KRT76: variants seen among roughly 807,000 people sequenced by gnomAD.
KRT76 encodes keratin, type II cytoskeletal 2 oral.
KRT76 carries 47 observed loss-of-function variants against 44.9 expected under a neutral mutation model. The ratio of observed to expected loss-of-function variants is 1.05; its 90% CI spans 0.83 to 1.33. The LOEUF (loss-of-function observed/expected upper bound fraction) is 1.33. Ranked by LOEUF, KRT76 falls within the 40% of genes most tolerant of loss-of-function variation. The pLI is 0.00. For synonymous variants in KRT76, 331 were observed against 294.1 expected, an observed-to-expected ratio of 1.13 and a Z score of -1.28; for missense variants, 860 against 775.8, an observed-to-expected ratio of 1.11 and a Z score of -1.29.
At chr12:52,772,699 G>T in intron 4 of KRT76, 84 bp downstream of exon 4, 2 of 957,050 alleles carry the variant, frequency 2.1e-6, no homozygotes, top group Non-Finnish European at 3.4e-6. Context: ...TTTTGTGAGT[G>T]TTGTGCTGTT....
chr12:52,770,128 G>C (rs1200573429), intron 7 of KRT76, among the ~76,000 whole-genome samples: 1 of 152,044 alleles, frequency 6.6e-6, no homozygotes, highest in Non-Finnish European at 1.5e-5. Flanking sequence ...AATGGAGCAG[G>C]CACATCCACA....
At chr12:52,770,288 T>C (rs1376772628) in intron 7 of KRT76, among the ~76,000 whole-genome samples, 2 of 152,164 alleles carry the variant, frequency 1.3e-5, no homozygotes, top group Non-Finnish European at 2.9e-5. Context: ...GCTTCCTCCA[T>C]CAGATTGGGA....
intron 1 of KRT76, 48 bp from the exon 2 acceptor site, chr12:52,775,650 G>T: frequency 6.8e-7 from 1 of 1,475,594 alleles, no homozygotes; most frequent in South Asian, 1.2e-5. Flanking sequence ...AGTTGGGCAT[G>T]TGGGGCTGCC....
At chr12:52,769,229 A>C (rs1457939378) in intron 8 of KRT76, 119 bp from the exon 9 acceptor site, 2 of 612,798 alleles carry the variant, frequency 3.3e-6, no homozygotes, top group African/African-American at 3.7e-5. Context: ...AACTTATCTA[A>C]TGCCTCAGTT....
chr12:52,772,041 G>GCA (rs1939191236), intron 5 of KRT76, 45 bp from the exon 6 acceptor site: 1 of 1,609,324 alleles, frequency 6.2e-7, no homozygotes, highest in African/African-American at 1.3e-5. Flanking sequence ...CAAAGTGTTG[G>GCA]CACATTCTCA....
At chr12:52,772,984 C>T in intron 3 of KRT76, 106 bp from the exon 4 acceptor site, 1 of 724,018 alleles carries the variant, frequency 1.4e-6, no homozygotes, top group South Asian at 1.6e-5. Flanking sequence ...CCCAGCTCTC[C>T]TCCTAATTGT....
intron 1 of KRT76, among the ~76,000 whole-genome samples, 190 bp downstream of exon 1, chr12:52,776,502 C>G (rs568635737): frequency 3.7e-4 from 57 of 152,336 alleles, no homozygotes; most frequent in Admixed American, 1.4e-3. Flanking sequence ...TTCTTCCCCC[C>G]ATTTCACAGC....
chr12:52,768,985 A>AGCCGCT lies in KRT76; in HGVS notation c.1644_1645insAGCGGC (p.Ser547_Gly548dup). ...CTGCCGCTGCCGCCACTGACTCCAT[A>AGCCGCT]GCCACTGCTGCTGCTGCTGCTGCTG... On this transcript the variant is annotated inframe_insertion, in exon 9 of 9. Coordinates refer to ENST00000332411, the MANE Select transcript of KRT76 (RefSeq NM_015848.4). The AGCCGCT allele has an allele frequency of 9.2e-7, 1 of 1,082,476 alleles. No individual in the cohort carries two copies. Among genetic ancestry groups the AGCCGCT allele is most frequent in the Non-Finnish European group, 1.4e-6 (1 of 717,720 alleles). 67.1% of individuals were successfully genotyped at this position (1,082,476 alleles called of 1,614,324 possible).
chr12:52,775,283 G>T, intron 2 of KRT76, 105 bp downstream of exon 2: 2 of 958,748 alleles, frequency 2.1e-6, no homozygotes, highest in Non-Finnish European at 3.3e-6. Context: ...ATCCATCCCA[G>T]AGTATTGACT....
At position 52,777,268 on chromosome 12, in the gene KRT76, T is replaced by C. The variant is rs910463040; in HGVS notation, c.24A>G (p.Lys8=). MNRQVCK[K]SFSGRSQGFS... is the part of the protein sequence containing the mutation. ...AACCCTGGCTCCTGCCACTGAAGGA[T>C]TTCTTGCAAACTTGTCTGTTCATAG... is the stretch of plus-strand genomic sequence containing the variant. Residue 8 remains lysine (K), a synonymous_variant, in exon 1 of 9, where the codon AAA becomes AAG. Transcript: ENST00000332411. 1 of 1,614,204 alleles carries C rather than the reference T, an allele frequency of 6.2e-7. No individual in the cohort carries two copies. The highest frequency in any genetic ancestry group is 8.5e-7 in the Non-Finnish European group (1 of 1,180,040).
intron 6 of KRT76, 75 bp downstream of exon 6, chr12:52,771,796 G>A (rs958556996): frequency 4.4e-5 from 67 of 1,525,912 alleles, no homozygotes; most frequent in Non-Finnish European, 5.7e-5. Context: ...GCATGTAGCA[G>A]AGGAGCAGAG....
intron 7 of KRT76, among the ~76,000 whole-genome samples, chr12:52,770,131 C>T (rs571335867): frequency 2.0e-5 from 3 of 152,028 alleles, no homozygotes; most frequent in African/African-American, 4.8e-5. Flanking sequence ...GGAGCAGGCA[C>T]ATCCACATAT....
rs748397869 is a variant in KRT76 at position 52,768,664 on chromosome 12, T to C, written c.*49A>G. Reference sequence around the variant, plus strand: ...GCCAAGCAGAGAGTGGGAAACACTATTGCAGGCTGAGTGGGAAGCAGGTGG... The same window carrying C: ...GCCAAGCAGAGAGTGGGAAACACTACTGCAGGCTGAGTGGGAAGCAGGTGG... On this transcript the variant is annotated 3_prime_UTR_variant, in exon 9 of 9. Transcript: ENST00000332411. 73 of 1,549,530 alleles carry C rather than the reference T, an allele frequency of 4.7e-5. No individual in the cohort carries two copies. Among genetic ancestry groups the C allele is most frequent in the Non-Finnish European group, 6.1e-5 (70 of 1,140,060 alleles).
intron 2 of KRT76, among the ~76,000 whole-genome samples, chr12:52,774,842 A>T (rs1392847073): frequency 6.6e-6 from 1 of 152,088 alleles, no homozygotes; most frequent in Non-Finnish European, 1.5e-5. Flanking sequence ...CTCCTTGCAG[A>T]CCTCAGCGGA....
At position 52,768,881 on chromosome 12, in the gene KRT76, G is replaced by T. The variant is rs554038954; in HGVS notation, c.1749C>A (p.Ser583Arg). 1 of 1,613,416 alleles carries T rather than the reference G, an allele frequency of 6.2e-7. No homozygotes were observed. Among genetic ancestry groups the T allele is most frequent in the East Asian group, 2.2e-5 (1 of 44,846 alleles). The change falls in exon 9 of 9, where the codon AGC becomes AGA. Residue 583 changes from serine (S) to arginine (R), a missense_variant. Coordinates refer to ENST00000332411, the MANE Select transcript of KRT76 (RefSeq NM_015848.4). ...SGSYQSSSSGSRLGGAGSISV... is the reference protein window; with the variant it reads ...SGSYQSSSSGRRLGGAGSISV... ...AGATGCTACCTGCACCGCCGAGCCT[G>T]CTCCCACTACTGCTGCTCTGGTAGC...
intron 8 of KRT76, 44 bp downstream of exon 8, chr12:52,769,505 C>T: frequency 6.4e-7 from 1 of 1,571,330 alleles, no homozygotes; most frequent in South Asian, 1.1e-5. Context: ...TTCTAGCTGC[C>T]CTTTTACAAC....
chr12:52,772,342 G>T, intron 4 of KRT76, 84 bp from the exon 5 acceptor site: 1 of 1,349,850 alleles, frequency 7.4e-7, no homozygotes, highest in African/African-American at 1.4e-5. Context: ...ATATCCCAAG[G>T]ATGGGGCTAG....
In KRT76 at chr12:52,776,832, C is replaced by T; in HGVS notation, c.460G>A (p.Gly154Arg). The T allele has an allele frequency of 4.3e-6, 7 of 1,614,042 alleles. No homozygotes were observed. Among genetic ancestry groups the T allele is most frequent in the Non-Finnish European group, 5.1e-6 (6 of 1,179,976 alleles). ...TGGTTTACAATCACTTCCTGAATTC[C>T]CCCAGGAAAGCCCCCAGGGCCAAAG... ...GGFGPGGFPG[G>R]IQEVIVNQSL... Residue 154 changes from glycine to arginine, a missense_variant, in exon 1 of 9, where the codon GGA becomes AGA. Coordinates refer to ENST00000332411, the MANE Select transcript of KRT76 (RefSeq NM_015848.4).
intron 5 of KRT76, 35 bp from the exon 6 acceptor site, chr12:52,772,031 C>T: frequency 6.2e-7 from 1 of 1,610,384 alleles, no homozygotes; most frequent in Non-Finnish European, 8.5e-7. Flanking sequence ...GTGGCTTTTG[C>T]AAAGTGTTGG....
Sources: allele counts gnomAD v4.1 joint callset (sites outside exome capture counted in the v4.1 genomes callset), GRCh38; gene constraint gnomAD v4.1.1; transcripts MANE v1.5; gene names NCBI Gene and HGNC (gene_info 2026-07-23, HGNC 2026-07-21).